The following GPR107 variants were observed in gnomAD, a reference collection of about 807,000 sequenced individuals.
The protein encoded by GPR107 is G protein-coupled receptor 107.
Under a neutral mutation model 75.5 loss-of-function variants are expected in GPR107, and 31 were observed. The ratio of observed to expected loss-of-function variants is 0.41; its 90% CI spans 0.31 to 0.55. The LOEUF is 0.55. GPR107 is among the 20% of genes least tolerant of loss of function. GPR107 has a pLI of 0.26. For synonymous variants in GPR107, 267 were observed against 251.3 expected (o/e 1.06, Z -0.59); for missense variants, 572 against 665.7 (o/e 0.86, Z 1.55).
intron 14 of GPR107, among the ~76,000 whole-genome samples, chr9:130,122,744 C>T (rs1831577229): frequency 6.6e-6 from 1 of 152,178 alleles, no homozygotes; most frequent in East Asian, 1.9e-4. Context: ...GAGATGAGGC[C>T]AGACGCAGTG....
At chr9:130,055,655 C>T (rs768295284) in intron 1 of GPR107, among the ~76,000 whole-genome samples, 2 of 151,706 alleles carry the variant, frequency 1.3e-5, no homozygotes, top group Non-Finnish European at 2.9e-5. Flanking sequence ...AAATTAAAAG[C>T]CTGGCTTGAC....
intron 14 of GPR107, among the ~76,000 whole-genome samples, chr9:130,122,732 AAG>A (rs1395356450): frequency 6.6e-6 from 1 of 152,210 alleles, no homozygotes; most frequent in Admixed American, 6.5e-5. Context: ...CTGAATAAAA[AAG>A]AGATGAGGCC....
Position 130,116,554 on chromosome 9 carries a change from G to A in GPR107, c.1307-8361G>A, listed in dbSNP as rs141663306. Among the ~76,000 whole-genome samples the A allele has an allele frequency of 1.7e-4, 26 of 152,322 alleles. No individual in the cohort carries two copies. In the East Asian group the frequency reaches 2.7e-3, roughly 16 times the overall value. ...GCCCAGCTGCAGGGTTGCGTCCCAA[G>A]TCTCACTGGCATAGCTCACAGCATT... On this transcript the variant is annotated intron_variant, in intron 14 of 17. Transcript: ENST00000347136.
At chr9:130,097,181 G>A (rs527675421) in intron 9 of GPR107, among the ~76,000 whole-genome samples, 1 of 126,862 alleles carries the variant, frequency 7.9e-6, no homozygotes, top group Non-Finnish European at 1.6e-5. Flanking sequence ...TTGAGACAGA[G>A]TCTCACTCTG....
intron 9 of GPR107, among the ~76,000 whole-genome samples, 169 bp downstream of exon 9, chr9:130,092,550 C>G (rs916879709): frequency 1.3e-5 from 2 of 152,052 alleles, no homozygotes; most frequent in African/African-American, 4.8e-5. Context: ...GGTGTGGGAG[C>G]CCTTTGCATG....
At chr9:130,104,292 G>T in intron 12 of GPR107, 128 bp from the exon 13 acceptor site, 1 of 726,302 alleles carries the variant, frequency 1.4e-6, no homozygotes, top group Non-Finnish European at 2.3e-6. Flanking sequence ...GAGCACGTGG[G>T]ACTGGAAAGA....
chr9:130,124,548 A>G (rs1831626340), intron 14 of GPR107, among the ~76,000 whole-genome samples: 1 of 152,144 alleles, frequency 6.6e-6, no homozygotes, highest in South Asian at 2.1e-4. Context: ...CTCTGTGCAG[A>G]GCTGAAATGT....
intron 14 of GPR107, among the ~76,000 whole-genome samples, chr9:130,121,899 T>A (rs1490414522): frequency 1.2e-4 from 11 of 88,476 alleles, no homozygotes; most frequent in Admixed American, 7.2e-4. Context: ...TTTTATTTTC[T>A]TTTTTTTTTG....
intron 3 of GPR107, among the ~76,000 whole-genome samples, chr9:130,076,994 T>C (rs1830366648): frequency 6.6e-6 from 1 of 151,720 alleles, no homozygotes; most frequent in Non-Finnish European, 1.5e-5. Flanking sequence ...TTCAAGTGAT[T>C]CTTCTGCCTC....
At chr9:130,070,089 T>G (rs1001195361) in intron 1 of GPR107, among the ~76,000 whole-genome samples, 2 of 143,030 alleles carry the variant, frequency 1.4e-5, no homozygotes, top group African/African-American at 5.2e-5. Context: ...TTTGGCCTCG[T>G]GGGCCCAAAC....
In GPR107 at chr9:130,112,018, C is replaced by T. The variant is rs1353758033; in HGVS notation, c.1306+4479C>T. ...TGCTAAGATTTACTGGCTCTGACTG[C>T]CCTTGAGCCCGCATCCGCGTTCCCT... On this transcript the variant is annotated intron_variant, in intron 14 of 17. Transcript: ENST00000347136. The surrounding 1 kb of genome is among the most constrained non-coding windows in gnomAD (Gnocchi z 4.0). Among the ~76,000 whole-genome samples the T allele has an allele frequency of 6.6e-6, 1 of 152,192 alleles. No homozygotes were observed. The highest frequency in any genetic ancestry group is 1.9e-4 in the East Asian group (1 of 5,192).
intron 15 of GPR107, among the ~76,000 whole-genome samples, chr9:130,125,866 G>A (rs911517834): frequency 1.3e-5 from 2 of 151,858 alleles, no homozygotes; most frequent in Non-Finnish European, 2.9e-5. Context: ...TGTCCAACAT[G>A]GTGAAACCCC....
rs776723141 is a variant in GPR107, at chr9:130,104,505, T to C, written c.1217T>C (p.Leu406Pro). The C allele has an allele frequency of 1.1e-5, 17 of 1,613,728 alleles. No homozygotes were observed. Among genetic ancestry groups the C allele is most frequent in the Non-Finnish European group, 1.4e-5 (17 of 1,179,698 alleles). ...GGCTTGTGGAAGGACTCTCTATTTCTGGTCGACCTGTTGTGTTGTGGTGCC... is the reference window on the plus strand; with the variant it reads ...GGCTTGTGGAAGGACTCTCTATTTCCGGTCGACCTGTTGTGTTGTGGTGCC... Reference protein sequence around the residue: ...EYGLWKDSLFLVDLLCCGAIL... With the variant: ...EYGLWKDSLFPVDLLCCGAIL... Residue 406 changes from leucine to proline, a missense_variant, in exon 13 of 18, where the codon CTG becomes CCG. By Grantham distance (98) the Leu-to-Pro change is moderately conservative (BLOSUM62 -3). Transcript: ENST00000347136.
chr9:130,108,017 T>A (rs1763476688), intron 14 of GPR107, among the ~76,000 whole-genome samples: 5 of 152,248 alleles, frequency 3.3e-5, no homozygotes, highest in African/African-American at 1.2e-4. Flanking sequence ...TACCTGATAT[T>A]GAAATGGTTG....
chr9:130,081,589 C>A (rs1283803515), intron 5 of GPR107, among the ~76,000 whole-genome samples: 1 of 151,786 alleles, frequency 6.6e-6, no homozygotes, highest in African/African-American at 2.4e-5. Flanking sequence ...AGGAGAATTG[C>A]TTGGACCAGG....
At chr9:130,073,293 G>T (rs372239785) in intron 1 of GPR107, among the ~76,000 whole-genome samples, 1 of 152,194 alleles carries the variant, frequency 6.6e-6, no homozygotes, top group Non-Finnish European at 1.5e-5. Context: ...ATCCATTTAT[G>T]TAGTTGAGTT....
At chr9:130,123,210 A>T (rs1286518057) in intron 14 of GPR107, among the ~76,000 whole-genome samples, 2 of 146,856 alleles carry the variant, frequency 1.4e-5, no homozygotes, top group African/African-American at 2.5e-5. Context: ...AAACAGCTAA[A>T]TTTTTTTTTT....
chr9:130,128,717 C>T lies in GPR107; in HGVS notation c.1518C>T (p.Tyr506=). 1 of 1,612,184 alleles carries T rather than the reference C, an allele frequency of 6.2e-7. No homozygotes were observed. The highest frequency in any genetic ancestry group is 8.5e-7 in the Non-Finnish European group (1 of 1,178,202). Reference sequence around the variant, plus strand: ...TCCGTCCGGCTTCAGATAACCCCTACCTACAACTTTCTCAGGAAGAAGAAG... The same window carrying T: ...TCCGTCCGGCTTCAGATAACCCCTATCTACAACTTTCTCAGGAAGAAGAAG... The part of the protein sequence containing the change: ...YKFRPASDNP[Y]LQLSQEEEDL... The change falls in exon 17 of 18, where the codon TAC becomes TAT. Residue 506 remains tyrosine, a synonymous_variant. Coordinates refer to ENST00000347136, the MANE Select transcript of GPR107 (RefSeq NM_020960.5).
At chr9:130,122,391 C>T (rs1315651017) in intron 14 of GPR107, among the ~76,000 whole-genome samples, 2 of 152,162 alleles carry the variant, frequency 1.3e-5, no homozygotes, top group Non-Finnish European at 2.9e-5. Flanking sequence ...AGCAGGTTTG[C>T]ATCCAGAGAG....
Sources: gnomAD v4.1 joint callset for allele counts (sites outside exome capture counted in the v4.1 genomes callset) on GRCh38, gnomAD v4.1.1 for gene constraint, Gnocchi (gnomAD v3.1) non-coding constraint, MANE v1.5 for transcripts, NCBI Gene and HGNC (gene_info 2026-07-23, HGNC 2026-07-21) for gene names.